Variants in JMY observed in about 807,000 individuals in gnomAD.
The protein encoded by JMY is junction-mediating and -regulatory protein.
In JMY, 46 loss-of-function variants were observed where a neutral mutation model predicts 103.3. The observed-to-expected ratio is 0.45, with a 90% CI of 0.35 to 0.57. JMY has a LOEUF of 0.57. JMY is among the 20% of genes least tolerant of loss of function. The pLI is 0.00. For missense variants in JMY, 1,238 were observed against 1,255.2 expected, an observed-to-expected ratio of 0.99 and a Z score of 0.21; for synonymous variants, 526 against 489.3, an observed-to-expected ratio of 1.07 and a Z score of -0.99.
Position 79,327,148 on chromosome 5 carries a change from A to G in JMY, c.*5546A>G, listed in dbSNP as rs1186889056. 1 of 152,220 alleles carries G rather than the reference A, an allele frequency of 6.6e-6. No homozygotes were observed. The highest frequency in any genetic ancestry group is 1.5e-5 in the Non-Finnish European group (1 of 68,044). The allele number at this position is 152,220 out of a possible 1,614,324, so 9.4% of individuals were successfully genotyped here. The stretch of plus-strand genomic sequence containing the variant: ...TGTTGTACATGCAATGTAACAACCT[A>G]CAGTTTTGGTGCTTTTAACAATATT... On this transcript the variant is annotated 3_prime_UTR_variant, in exon 11 of 11. Transcript: ENST00000396137.
chr5:79,314,425 G>C lies in JMY; in HGVS notation c.2233G>C (p.Gly745Arg), dbSNP rs1166194130. 8 of 1,614,006 alleles carry C rather than the reference G, an allele frequency of 5.0e-6. No homozygotes were observed. The African/African-American group carries it at 9.3e-5, about 19-fold the overall frequency. Residue 745 changes from glycine to arginine, a missense_variant, in exon 9 of 11, where the codon GGG becomes CGG. Coordinates refer to ENST00000396137, the MANE Select transcript of JMY (RefSeq NM_152405.5). ...EEVGEGRVKR[G>R]PSQTTEPQSL... Reference sequence around the variant, plus strand: ...GGTGGGAGAAGGAAGAGTCAAGCGTGGGCCATCACAGACAACAGAACCCCA... The same window carrying C: ...GGTGGGAGAAGGAAGAGTCAAGCGTCGGCCATCACAGACAACAGAACCCCA...
In JMY at chr5:79,270,365, G is replaced by GTATATTTACATAAATATTTACATAAAATA. The variant is rs1561297545; in HGVS notation, c.1033-7524_1033-7496dup. On this transcript the variant is annotated intron_variant, in intron 1 of 10. Coordinates refer to ENST00000396137, the MANE Select transcript of JMY (RefSeq NM_152405.5). ...ATATATTTACATAAATATTTAAAAT[G>GTATATTTACATAAATATTTACATAAAATA]TATATTTACATAAATATTTACATAA... is the stretch of plus-strand genomic sequence containing the variant. Among the ~76,000 whole-genome samples, 34 of 112,266 alleles carry GTATATTTACATAAATATTTACATAAAATA rather than the reference G, an allele frequency of 3.0e-4. No homozygotes were observed. In the East Asian group the frequency reaches 7.5e-3, roughly 25 times the overall value. The allele number at this position is 112,266 out of a possible 152,430, so 73.7% of individuals were successfully genotyped here. A position where few individuals can be genotyped will look rare whatever the true frequency, so the allele number is the denominator to read the frequency against.
intron 1 of JMY, among the ~76,000 whole-genome samples, chr5:79,258,692 C>T (rs776841020): frequency 3.9e-5 from 6 of 152,162 alleles, no homozygotes; most frequent in Non-Finnish European, 7.4e-5. Flanking sequence ...AAGCAGTTTC[C>T]ATGGCTGACA....
At position 79,306,380 on chromosome 5, in the gene JMY, A is replaced by T. The variant is rs768239646; in HGVS notation, c.1887A>T (p.Ile629=). The T allele has an allele frequency of 1.9e-6, 3 of 1,607,388 alleles. No individual in the cohort carries two copies. Among genetic ancestry groups the T allele is most frequent in the Non-Finnish European group, 2.6e-6 (3 of 1,174,040 alleles). Residue 629 remains isoleucine (I), a synonymous_variant, in exon 7 of 11, where the codon ATA becomes ATT. Transcript: ENST00000396137. ...CACATTTTATGTATTTACAGGAAAT[A>T]TGTATTGCAAAACACAATGAAAAAA... is the stretch of plus-strand genomic sequence containing the variant. ...KKSYLRNKKE[I]CIAKHNEKIQ...
intron 7 of JMY, among the ~76,000 whole-genome samples, chr5:79,311,886 G>C (rs1234110965): frequency 6.6e-6 from 1 of 152,032 alleles, no homozygotes; most frequent in Non-Finnish European, 1.5e-5. Flanking sequence ...GCACTATCTC[G>C]GCTCACTGCA....
At chr5:79,312,729 A>G (rs980198541) in intron 8 of JMY, among the ~76,000 whole-genome samples, 3 of 152,142 alleles carry the variant, frequency 2.0e-5, no homozygotes, top group African/African-American at 4.8e-5. Flanking sequence ...CTTCAGTAGT[A>G]TAAGAGGAAT....
chr5:79,317,765 C>T (rs181346565), intron 10 of JMY, among the ~76,000 whole-genome samples: 3 of 152,296 alleles, frequency 2.0e-5, no homozygotes, highest in South Asian at 2.1e-4. Flanking sequence ...GTGGCACGTT[C>T]ATGGCTCACT....
chr5:79,315,641 T>C (rs2112121410), intron 9 of JMY, among the ~76,000 whole-genome samples: 1 of 152,308 alleles, frequency 6.6e-6, no homozygotes, highest in East Asian at 1.9e-4. Context: ...AAACAAAATG[T>C]GTAACCCCAT....
intron 2 of JMY, chr5:79,284,675 T>G (rs1046576994): frequency 2.4e-5 from 38 of 1,586,032 alleles, no homozygotes; most frequent in Non-Finnish European, 3.2e-5. Flanking sequence ...TTGAATTTTC[T>G]AAGTGCAACT....
At chr5:79,257,234 G>C (rs1188195505) in intron 1 of JMY, among the ~76,000 whole-genome samples, 1 of 151,786 alleles carries the variant, frequency 6.6e-6, no homozygotes, top group Non-Finnish European at 1.5e-5. Context: ...TACCATGCCC[G>C]GCTAAGTTCC....
At chr5:79,270,390 AAAT>A in intron 1 of JMY, among the ~76,000 whole-genome samples, 1 of 128,494 alleles carries the variant, frequency 7.8e-6, no homozygotes, top group Non-Finnish European at 1.6e-5. Context: ...TATTTACATA[AAAT>A]ATATATTTAC....
chr5:79,274,969 G>A (rs957267620), intron 1 of JMY, among the ~76,000 whole-genome samples: 2 of 152,132 alleles, frequency 1.3e-5, no homozygotes, highest in African/African-American at 4.8e-5. Context: ...TACCTGTCCT[G>A]TGCATGTATA....
intron 6 of JMY, among the ~76,000 whole-genome samples, chr5:79,301,365 T>C (rs1239770629): frequency 6.6e-6 from 1 of 152,200 alleles, no homozygotes; most frequent in Non-Finnish European, 1.5e-5. Context: ...TCACTGTAAG[T>C]GTAGAGTTGG....
At chr5:79,275,492 C>T (rs560973331) in intron 1 of JMY, among the ~76,000 whole-genome samples, 1 of 152,222 alleles carries the variant, frequency 6.6e-6, no homozygotes, top group Admixed American at 6.5e-5. Context: ...ATACCTCTCC[C>T]CTTCTTTTGG....
In JMY at chr5:79,284,832, A is replaced by G. The variant is rs187395918; in HGVS notation, c.1207-5289A>G. On this transcript the variant is annotated intron_variant, in intron 2 of 10. Transcript: ENST00000396137. ...TAGCAGGTGCTTTCACATCATACCA[A>G]TCTTTCTTAGAAAATGGATCAACCA... is the stretch of plus-strand genomic sequence containing the variant. 3,048 of 1,575,074 alleles carry G rather than the reference A, an allele frequency of 1.9e-3. 37 individuals carry two copies. The African/African-American group carries it at 0.031, about 16-fold the overall frequency.
chr5:79,288,400 C>T (rs1299069718), intron 2 of JMY, among the ~76,000 whole-genome samples: 1 of 152,132 alleles, frequency 6.6e-6, no homozygotes, highest in Non-Finnish European at 1.5e-5. Flanking sequence ...TCAAAGCCAT[C>T]TGCAGTTAAT....
At chr5:79,315,705 C>A (rs1489456065) in intron 9 of JMY, among the ~76,000 whole-genome samples, 1 of 152,142 alleles carries the variant, frequency 6.6e-6, no homozygotes, top group East Asian at 1.9e-4. Context: ...GGGAATCACA[C>A]CCATAATACT....
chr5:79,290,716 G>A lies in JMY; in HGVS notation c.1358-414G>A, dbSNP rs113299881. On this transcript the variant is annotated intron_variant, in intron 3 of 10. Coordinates refer to ENST00000396137, the MANE Select transcript of JMY (RefSeq NM_152405.5). Reference sequence around the variant, plus strand: ...TGTTTTAGAAATGTCGGCCGGGCACGGTGGCTCACGCCTGTAATCCTAGCA... The same window carrying A: ...TGTTTTAGAAATGTCGGCCGGGCACAGTGGCTCACGCCTGTAATCCTAGCA... Among the ~76,000 whole-genome samples the A allele has an allele frequency of 5.6e-3, 849 of 152,276 alleles. 11 individuals are homozygous for A. Among genetic ancestry groups the A allele is most frequent in the African/African-American group, 0.02 (828 of 41,562 alleles).
chr5:79,318,438 A>G (rs973349023), intron 10 of JMY, among the ~76,000 whole-genome samples: 1 of 152,282 alleles, frequency 6.6e-6, no homozygotes, highest in Admixed American at 6.5e-5. Context: ...GAAAGATTCT[A>G]TTAGTTACAT....
Sources: allele counts gnomAD v4.1 joint callset (sites outside exome capture counted in the v4.1 genomes callset), GRCh38; gene constraint gnomAD v4.1.1; transcripts MANE v1.5; gene names NCBI Gene and HGNC (gene_info 2026-07-23, HGNC 2026-07-21).